Variants in FXN observed in about 807,000 individuals in gnomAD.
The protein encoded by FXN is frataxin, mitochondrial.
FXN carries 14 observed loss-of-function variants against 22.4 expected under a neutral mutation model. The observed-to-expected ratio is 0.62, with a 90% confidence interval of 0.41 to 0.98. The LOEUF is 0.98. Ranked by LOEUF, FXN falls within the 50% of genes least tolerant of loss-of-function variation. The pLI, the probability that FXN is intolerant of heterozygous loss-of-function variation, is 0.00. For missense variants in FXN, 267 were observed against 268.4 expected (o/e 0.99, Z 0.04); for synonymous variants, 120 against 114.1 (o/e 1.05, Z -0.33).
At chr9:69,070,683 A>C (rs1832257427) in intron 4 of FXN, among the ~76,000 whole-genome samples, 1 of 152,174 alleles carries the variant, frequency 6.6e-6, no homozygotes, top group Non-Finnish European at 1.5e-5. Flanking sequence ...TAGGATGGTA[A>C]GGCACTATTT....
intron 2 of FXN, among the ~76,000 whole-genome samples, chr9:69,052,763 C>T (rs981631645): frequency 2.0e-5 from 3 of 151,726 alleles, no homozygotes; most frequent in African/African-American, 7.3e-5. Context: ...AGGATGGTCT[C>T]GATCTCCTGA....
Position 69,076,215 on chromosome 9 carries a change from ATG to A in FXN, c.*3455_*3456del, listed in dbSNP as rs1832364561. 2.4e-6 allele frequency: 2 copies of A among 835,210 alleles called. No homozygotes were observed. Among genetic ancestry groups the A allele is most frequent in the Non-Finnish European group, 2.7e-6 (2 of 743,838 alleles). 51.7% of individuals were successfully genotyped at this position (835,210 alleles called of 1,614,324 possible). On this transcript the variant is annotated 3_prime_UTR_variant, in exon 5 of 5. Coordinates refer to ENST00000484259, the MANE Select transcript of FXN (RefSeq NM_000144.5). Reference sequence around the variant, plus strand: ...GTTTGTAGACACTGACAGTGGCCTCATGTTTTTTTTTTTTTTAATCTATAAAA... The same window carrying A: ...GTTTGTAGACACTGACAGTGGCCTCATTTTTTTTTTTTTTAATCTATAAAA...
rs1832385676 is a variant in FXN at position 69,077,148 on chromosome 9, G to C, written c.*4386G>C. ...AGGCTGGTCTTGAACTCCTGACCTA[G>C]TAATCCACCTGCCTCCGCCTCCCAA... On this transcript the variant is annotated 3_prime_UTR_variant, in exon 5 of 5. Transcript: ENST00000484259. The C allele has an allele frequency of 1.4e-6, 1 of 721,734 alleles. No homozygotes were observed. The highest frequency in any genetic ancestry group is 1.9e-5 in the African/African-American group (1 of 51,998). The allele number at this position is 721,734 out of a possible 1,614,324, so 44.7% of individuals were successfully genotyped here.
chr9:69,074,009 C>A lies in FXN; in HGVS notation c.*1247C>A, dbSNP rs1832321135. ...GACCAGCCTGGCCAACATGATGAAACCCCGTCTCTACTAAAAATACAAAAA... is the reference window on the plus strand; with the variant it reads ...GACCAGCCTGGCCAACATGATGAAAACCCGTCTCTACTAAAAATACAAAAA... On this transcript the variant is annotated 3_prime_UTR_variant, in exon 5 of 5. Transcript: ENST00000484259. 1 of 388,126 alleles carries A rather than the reference C, an allele frequency of 2.6e-6. No homozygotes were observed. Among genetic ancestry groups the A allele is most frequent in the Non-Finnish European group, 3.5e-6 (1 of 284,096 alleles). The allele number at this position is 388,126 out of a possible 1,614,324, so 24.0% of individuals were successfully genotyped here.
chr9:69,058,909 A>G (rs1832013090), intron 3 of FXN, among the ~76,000 whole-genome samples: 1 of 152,116 alleles, frequency 6.6e-6, no homozygotes, highest in Non-Finnish European at 1.5e-5. Context: ...TCTACTAAAA[A>G]TGCAAAAACT....
chr9:69,065,019 C>G lies in FXN; in HGVS notation c.466C>G (p.Leu156Val). 6.2e-7 allele frequency: 1 copy of G among 1,613,328 alleles called. No individual in the cohort carries two copies. Among genetic ancestry groups the G allele is most frequent in the African/African-American group, 1.3e-5 (1 of 75,024 alleles). ...GCAGACGCCAAACAAGCAAATCTGG[C>G]TATCTTCTCCATCCAGGTATGTAGG... ...NKQTPNKQIW[L>V]SSPSSGPKRY... The change falls in exon 4 of 5, where the codon CTA becomes GTA. Residue 156 changes from leucine to valine, a missense_variant. Coordinates refer to ENST00000484259, the MANE Select transcript of FXN (RefSeq NM_000144.5).
chr9:69,065,721 A>G (rs1832156199), intron 4 of FXN, among the ~76,000 whole-genome samples: 1 of 152,220 alleles, frequency 6.6e-6, no homozygotes, highest in Non-Finnish European at 1.5e-5. Context: ...TGAGTAGCTT[A>G]TAACTTTTCC....
At chr9:69,038,126 C>T (rs1185549833) in intron 1 of FXN, among the ~76,000 whole-genome samples, 3 of 152,208 alleles carry the variant, frequency 2.0e-5, no homozygotes, top group African/African-American at 7.2e-5. Flanking sequence ...ACCAGCTGGG[C>T]CTCTTTTTTT....
rs1273492939 is a variant in FXN, at chr9:69,046,396, A to C, written c.177A>C (p.Gln59His). 1 of 1,614,070 alleles carries C rather than the reference A, an allele frequency of 6.2e-7. No homozygotes were observed. Among genetic ancestry groups the C allele is most frequent in the South Asian group, 1.1e-5 (1 of 91,078 alleles). ...ACTTTGGCTTTCAGAGTTCGAACCA[A>C]CGTGGCCTCAACCAGATTTGGAATG... ...TCTPRRASSN[Q>H]RGLNQIWNVK... The change falls in exon 2 of 5, where the codon CAA becomes CAC. Residue 59 changes from glutamine (Q) to histidine (H), a missense_variant. By Grantham distance (24) the Gln-to-His change is conservative (BLOSUM62 0). Coordinates refer to ENST00000484259, the MANE Select transcript of FXN (RefSeq NM_000144.5).
At chr9:69,072,571 GC>G in intron 4 of FXN, 40 bp from the exon 5 acceptor site, 1 of 1,613,302 alleles carries the variant, frequency 6.2e-7, no homozygotes, top group Non-Finnish European at 8.5e-7. Flanking sequence ...CATCTGAAGG[GC>G]TGTGCTGTGG....
intron 2 of FXN, 42 bp downstream of exon 2, chr9:69,046,524 T>C: frequency 2.2e-6 from 3 of 1,376,460 alleles, no homozygotes; most frequent in Non-Finnish European, 3.1e-6. Context: ...TCTTCCTCTC[T>C]CCTTCCCTGC....
intron 1 of FXN, among the ~76,000 whole-genome samples, chr9:69,039,222 T>A (rs573936535): frequency 2.1e-4 from 32 of 152,044 alleles, no homozygotes; most frequent in African/African-American, 7.5e-4. Context: ...CACCACTGCC[T>A]TCCAACCTGG....
chr9:69,039,135 C>T (rs1262372784), intron 1 of FXN, among the ~76,000 whole-genome samples: 2 of 152,048 alleles, frequency 1.3e-5, no homozygotes, highest in African/African-American at 2.4e-5. Flanking sequence ...CACCTGTAAT[C>T]CCAGCTACTC....
chr9:69,078,411 A>C lies in FXN; in HGVS notation c.*5649A>C. ...GAGGTCCTCATCATTTTTCACCTGC[A>C]TTTTTGCAGGAGCTTTCTTATATCC... On this transcript the variant is annotated 3_prime_UTR_variant, in exon 5 of 5. Coordinates refer to ENST00000484259, the MANE Select transcript of FXN (RefSeq NM_000144.5). 2.0e-6 allele frequency: 2 copies of C among 985,284 alleles called. No homozygotes were observed. The highest frequency in any genetic ancestry group is 2.4e-6 in the Non-Finnish European group (2 of 829,910). The allele number at this position is 985,284 out of a possible 1,614,324, so 61.0% of individuals were successfully genotyped here. A position where few individuals can be genotyped will look rare whatever the true frequency, so the allele number is the denominator to read the frequency against.
At chr9:69,065,328 C>G (rs1832150216) in intron 4 of FXN, among the ~76,000 whole-genome samples, 1 of 152,124 alleles carries the variant, frequency 6.6e-6, no homozygotes, top group Non-Finnish European at 1.5e-5. Flanking sequence ...ATCACTTGAG[C>G]TCAGGAGTTT....
rs1832306789 is a variant in FXN, at chr9:69,073,259, G to A, written c.*497G>A. On this transcript the variant is annotated 3_prime_UTR_variant, in exon 5 of 5. Transcript: ENST00000484259. ...TCTTTCAAAGTGTAAGCACTTCTGA[G>A]CTCTTTAGCATTGAAGTGTCGAAAG... 9.8e-7 allele frequency: 1 copy of A among 1,023,298 alleles called. No homozygotes were observed. Among genetic ancestry groups the A allele is most frequent in the Admixed American group, 5.1e-5 (1 of 19,630 alleles). 63.4% of individuals were successfully genotyped at this position (1,023,298 alleles called of 1,614,324 possible).
At chr9:69,067,878 G>C (rs767684144) in intron 4 of FXN, among the ~76,000 whole-genome samples, 1 of 152,338 alleles carries the variant, frequency 6.6e-6, no homozygotes, top group Non-Finnish European at 1.5e-5. Context: ...ATTCACAGAT[G>C]TGAATATGCA....
chr9:69,062,512 T>C (rs1832093070), intron 3 of FXN, among the ~76,000 whole-genome samples: 1 of 152,178 alleles, frequency 6.6e-6, no homozygotes, highest in African/African-American at 2.4e-5. Context: ...TTACGTATTG[T>C]ATAATCCCAG....
At chr9:69,053,357 A>G in intron 3 of FXN, 97 bp downstream of exon 3, 1 of 1,427,852 alleles carries the variant, frequency 7.0e-7, no homozygotes, top group Non-Finnish European at 9.8e-7. Context: ...AGCATCAAGT[A>G]GCATGTAGTT....
Sources: allele counts gnomAD v4.1 joint callset (sites outside exome capture counted in the v4.1 genomes callset), GRCh38; gene constraint gnomAD v4.1.1; transcripts MANE v1.5; gene names NCBI Gene and HGNC (gene_info 2026-07-23, HGNC 2026-07-21).